TMEM132B: variants seen among roughly 807,000 people sequenced by gnomAD.
TMEM132B encodes the protein transmembrane protein 132B.
In TMEM132B, 18 loss-of-function variants were observed where a neutral mutation model predicts 90.8. That is an observed-to-expected ratio of 0.20 (90% CI 0.14 to 0.29). The LOEUF (loss-of-function observed/expected upper bound fraction) is 0.29, where lower values mean the gene tolerates loss of function less well. TMEM132B is among the 10% of genes least tolerant of loss of function. TMEM132B has a pLI of 1.00. For synonymous variants in TMEM132B, 504 were observed against 523.3 expected (o/e 0.96, Z 0.50); for missense variants, 1,096 against 1,326.8 (o/e 0.83, Z 2.70).
intron 1 of TMEM132B, among the ~76,000 whole-genome samples, chr12:125,250,272 G>A (rs1486028546): frequency 6.6e-6 from 1 of 152,252 alleles, no homozygotes; most frequent in Non-Finnish European, 1.5e-5. Flanking sequence ...TATTTCAGAA[G>A]CCTGTGCAAA....
At chr12:125,574,495 C>T (rs1194735165) in intron 4 of TMEM132B, among the ~76,000 whole-genome samples, 1 of 152,070 alleles carries the variant, frequency 6.6e-6, no homozygotes, top group African/African-American at 2.4e-5. Flanking sequence ...TCAGTTCTTT[C>T]TAGATCTAAG....
intron 1 of TMEM132B, among the ~76,000 whole-genome samples, chr12:125,292,056 T>C (rs547308931): frequency 5.3e-5 from 8 of 152,360 alleles, no homozygotes; most frequent in African/African-American, 1.9e-4. Flanking sequence ...GCCTATGGTA[T>C]CACTATTCAA....
At chr12:125,412,576 G>A (rs2136353788) in intron 2 of TMEM132B, among the ~76,000 whole-genome samples, 1 of 152,318 alleles carries the variant, frequency 6.6e-6, no homozygotes, top group African/African-American at 2.4e-5. Flanking sequence ...TATCGGGTGG[G>A]AGGGTCTGAT....
In TMEM132B at chr12:125,349,348, G is replaced by C. The variant is rs1360785484; in HGVS notation, c.68-104G>C. On this transcript the variant is annotated intron_variant, in intron 1 of 8. Transcript: ENST00000682704. The surrounding 1 kb of genome is among the most constrained non-coding windows in gnomAD (Gnocchi z 4.1). ...TGATGAGACCTGGGGGAGAAACAGT[G>C]GCCAGTGGGCGGTTTGTTGGGGAGG... 2.4e-6 allele frequency: 3 copies of C among 1,255,076 alleles called. No individual in the cohort carries two copies. The highest frequency in any genetic ancestry group is 3.3e-6 in the Non-Finnish European group (3 of 904,252). 77.7% of individuals were successfully genotyped at this position (1,255,076 alleles called of 1,614,324 possible). A position where few individuals can be genotyped will look rare whatever the true frequency, so the allele number is the denominator to read the frequency against.
At chr12:125,398,285 AT>A (rs1879220679) in intron 2 of TMEM132B, among the ~76,000 whole-genome samples, 1 of 152,128 alleles carries the variant, frequency 6.6e-6, no homozygotes, top group South Asian at 2.1e-4. Context: ...ACCCCTACTC[AT>A]TTTTATATAT....
intron 2 of TMEM132B, among the ~76,000 whole-genome samples, chr12:125,367,196 T>C (rs958429298): frequency 6.6e-6 from 1 of 152,212 alleles, no homozygotes; most frequent in African/African-American, 2.4e-5. Flanking sequence ...CACTCTGGAA[T>C]GGGTCTCATT....
At chr12:125,468,486 A>G (rs1005995883) in intron 3 of TMEM132B, among the ~76,000 whole-genome samples, 1 of 152,212 alleles carries the variant, frequency 6.6e-6, no homozygotes, top group Admixed American at 6.5e-5. Flanking sequence ...GGGAAGCCCA[A>G]TGTATGTTCC....
At chr12:125,552,449 C>T (rs1048070298) in intron 4 of TMEM132B, among the ~76,000 whole-genome samples, 4 of 152,112 alleles carry the variant, frequency 2.6e-5, no homozygotes, top group South Asian at 2.1e-4. Context: ...ATTGTCTAAC[C>T]GTGTAATGGG....
intron 6 of TMEM132B, among the ~76,000 whole-genome samples, chr12:125,650,162 A>G (rs1411187247): frequency 6.6e-6 from 1 of 152,066 alleles, no homozygotes; most frequent in African/African-American, 2.4e-5. Context: ...TGGGGTTCCT[A>G]AAGGGCCATT....
At chr12:125,575,037 A>C (rs1884902172) in intron 4 of TMEM132B, among the ~76,000 whole-genome samples, 1 of 59,114 alleles carries the variant, frequency 1.7e-5, no homozygotes, top group South Asian at 5.0e-4. Flanking sequence ...CTCCAATGAA[A>C]TCCCAAACCT....
intron 5 of TMEM132B, among the ~76,000 whole-genome samples, chr12:125,606,314 CTT>C (rs368313402): frequency 7.3e-4 from 94 of 129,520 alleles, no homozygotes; most frequent in Non-Finnish European, 7.2e-4. Context: ...GATTTCTTTC[CTT>C]TTTTTTTTTT....
At chr12:125,626,992 T>G (rs1348224362) in intron 5 of TMEM132B, among the ~76,000 whole-genome samples, 3 of 152,186 alleles carry the variant, frequency 2.0e-5, no homozygotes, top group African/African-American at 7.2e-5. Context: ...TTTGTCACTC[T>G]TATTCCCTTT....
chr12:125,431,131 T>C (rs769676882), intron 3 of TMEM132B, among the ~76,000 whole-genome samples: 4 of 152,182 alleles, frequency 2.6e-5, no homozygotes, highest in African/African-American at 4.8e-5. Flanking sequence ...CTGCATGGGA[T>C]GAGCAGCTAC....
chr12:125,602,448 T>C (rs1370854413), intron 5 of TMEM132B, among the ~76,000 whole-genome samples: 1 of 152,038 alleles, frequency 6.6e-6, no homozygotes, highest in African/African-American at 2.4e-5. Flanking sequence ...AAACTAGGTA[T>C]TGATGAAACA....
rs1423885320 is a variant in TMEM132B, at chr12:125,415,644, C to T, written c.1073C>T (p.Thr358Ile). The T allele has an allele frequency of 1.2e-6, 2 of 1,614,082 alleles. No homozygotes were observed. The highest frequency in any genetic ancestry group is 2.7e-5 in the African/African-American group (2 of 74,936). Residue 358 changes from threonine to isoleucine, a missense_variant, in exon 3 of 9, where the codon ACC (threonine) becomes ATC (isoleucine). Thr to Ile is a moderately conservative substitution (Grantham distance 89). Coordinates refer to ENST00000682704, the MANE Select transcript of TMEM132B (RefSeq NM_001366854.1). This position sits in a 1 kb window ranked among gnomAD's most constrained non-coding sequence, Gnocchi z 5.3. ...NGSTQTSATL[T>I]CMGHRPDTQS... ...AGCACTCAGACGTCGGCCACCCTCA[C>T]CTGCATGGGCCATCGCCCGGACACG...
At chr12:125,462,637 G>GGT (rs1213612064) in intron 3 of TMEM132B, among the ~76,000 whole-genome samples, 1 of 152,166 alleles carries the variant, frequency 6.6e-6, no homozygotes, top group Non-Finnish European at 1.5e-5. Context: ...GGTGAGCTGA[G>GGT]GTGTGGCTGG....
chr12:125,324,239 C>A lies in TMEM132B; in HGVS notation c.68-25213C>A, dbSNP rs559125150. Among the ~76,000 whole-genome samples, 3 of 152,294 alleles carry A rather than the reference C, an allele frequency of 2.0e-5. No individual in the cohort carries two copies. The South Asian group carries it at 6.2e-4, about 32-fold the overall frequency. Reference sequence around the variant, plus strand: ...AAGGTCTAGTAAATAAATATATTGACAAACAGATTAATTGCTAATCACTTC... The same window carrying A: ...AAGGTCTAGTAAATAAATATATTGAAAAACAGATTAATTGCTAATCACTTC... On this transcript the variant is annotated intron_variant, in intron 1 of 8. Transcript: ENST00000682704.
At chr12:125,540,167 G>A (rs1883916189) in intron 4 of TMEM132B, among the ~76,000 whole-genome samples, 1 of 152,086 alleles carries the variant, frequency 6.6e-6, no homozygotes, top group African/African-American at 2.4e-5. Flanking sequence ...ATCCCACTGT[G>A]GCTGATAACA....
intron 2 of TMEM132B, among the ~76,000 whole-genome samples, chr12:125,381,218 C>G (rs1878670529): frequency 6.6e-6 from 1 of 152,154 alleles, no homozygotes; most frequent in South Asian, 2.1e-4. Context: ...GTCCAAGGCC[C>G]CACTCTCCCA....
Sources: allele counts gnomAD v4.1 joint callset (sites outside exome capture counted in the v4.1 genomes callset), GRCh38; gene constraint gnomAD v4.1.1; non-coding constraint Gnocchi (gnomAD v3.1); transcripts MANE v1.5; gene names NCBI Gene and HGNC (gene_info 2026-07-23, HGNC 2026-07-21).